The following ABTB3 variants were observed in gnomAD, a reference collection of about 807,000 sequenced individuals.
ABTB3 encodes ankyrin repeat- and BTB/POZ domain-containing protein 3.
At chr12:107,448,554 A>T in the ABTB3 span, among the ~76,000 whole-genome samples, 4 of 152,264 alleles carry the variant, frequency 2.6e-5, no homozygotes, top group Non-Finnish European at 5.9e-5. Flanking sequence ...AGCCCAAGGC[A>T]TGGTGTGCAA....
the ABTB3 span, among the ~76,000 whole-genome samples, chr12:107,578,366 C>T: frequency 1.3e-3 from 174 of 138,472 alleles, 2 homozygotes; most frequent in African/African-American, 4.2e-3. Context: ...GGCAGCAGAG[C>T]CTTTTTCTTT....
At chr12:107,529,897 G>A in the ABTB3 span, among the ~76,000 whole-genome samples, 2 of 152,040 alleles carry the variant, frequency 1.3e-5, no homozygotes, top group Non-Finnish European at 2.9e-5. Context: ...GTAGATGTGT[G>A]GATAATTTAC....
chr12:107,443,196 T>C, the ABTB3 span, among the ~76,000 whole-genome samples: 1 of 152,098 alleles, frequency 6.6e-6, no homozygotes, highest in Non-Finnish European at 1.5e-5. Context: ...ATTAAAAATC[T>C]ATAAGGGAGT....
the ABTB3 span, among the ~76,000 whole-genome samples, chr12:107,353,471 T>G: frequency 1.3e-5 from 2 of 152,134 alleles, no homozygotes; most frequent in East Asian, 3.9e-4. Context: ...TGAAAACATT[T>G]CCTAGCTGTG....
At chr12:107,393,103 C>A in the ABTB3 span, among the ~76,000 whole-genome samples, 2 of 152,132 alleles carry the variant, frequency 1.3e-5, no homozygotes, top group African/African-American at 4.8e-5. Context: ...GCTGAAGAAG[C>A]CAATGATTTA....
At chr12:107,496,726 C>T in the ABTB3 span, among the ~76,000 whole-genome samples, 4 of 152,180 alleles carry the variant, frequency 2.6e-5, no homozygotes, top group East Asian at 1.9e-4. Context: ...CTCACCCCAA[C>T]CCATGAGGTA....
the ABTB3 span, among the ~76,000 whole-genome samples, chr12:107,469,984 CTTTCTTTCTTTCTTTCTTTCTT>C: frequency 8.8e-4 from 80 of 90,596 alleles, 3 homozygotes; most frequent in African/African-American, 4.9e-3. Flanking sequence ...TTCTTTCTTT[CTTTCTTTCTTTCTTTCTTTCTT>C]TCTTTCTCTC....
chr12:107,641,962 A>G, the ABTB3 span: 2 of 824,426 alleles, frequency 2.4e-6, no homozygotes, highest in South Asian at 1.4e-5. Context: ...GTAAGGATAT[A>G]CCAGTGCTAT....
chr12:107,532,797 G>T, the ABTB3 span, among the ~76,000 whole-genome samples: 1 of 151,964 alleles, frequency 6.6e-6, no homozygotes, highest in African/African-American at 2.4e-5. Flanking sequence ...ACATATAAGG[G>T]AATTCCCATC....
chr12:107,405,553 C>T, the ABTB3 span, among the ~76,000 whole-genome samples: 2 of 152,234 alleles, frequency 1.3e-5, no homozygotes, highest in Non-Finnish European at 2.9e-5. Context: ...CACGGCTGTC[C>T]GGGGTTGTCC....
At chr12:107,627,256 G>A in the ABTB3 span, among the ~76,000 whole-genome samples, 1 of 152,038 alleles carries the variant, frequency 6.6e-6, no homozygotes, top group Non-Finnish European at 1.5e-5. Flanking sequence ...TCCTCATTCA[G>A]TTCTTCACCA....
At chr12:107,409,349 T>C in the ABTB3 span, among the ~76,000 whole-genome samples, 1 of 152,226 alleles carries the variant, frequency 6.6e-6, no homozygotes, top group African/African-American at 2.4e-5. Flanking sequence ...GAATGTAAAT[T>C]AGTTCAACCA....
the ABTB3 span, among the ~76,000 whole-genome samples, chr12:107,367,651 G>T: frequency 5.3e-5 from 8 of 152,018 alleles, no homozygotes; most frequent in South Asian, 4.2e-4. Flanking sequence ...GACTATAGGC[G>T]AACGGCACCA....
chr12:107,385,461 T>G, the ABTB3 span, among the ~76,000 whole-genome samples: 1 of 152,238 alleles, frequency 6.6e-6, no homozygotes, highest in East Asian at 1.9e-4. Context: ...TGGTCTCCCA[T>G]TACATGACAA....
the ABTB3 span, among the ~76,000 whole-genome samples, chr12:107,542,311 CA>C: frequency 1.1e-3 from 131 of 118,980 alleles, no homozygotes; most frequent in Non-Finnish European, 1.0e-3. Flanking sequence ...AACTCTGTCT[CA>C]AAAAAAAAAA....
chr12:107,558,047 T>C, the ABTB3 span, among the ~76,000 whole-genome samples: 3 of 152,114 alleles, frequency 2.0e-5, no homozygotes, highest in African/African-American at 7.3e-5. Flanking sequence ...AATCGGACTT[T>C]GAAAGATGAA....
the ABTB3 span, among the ~76,000 whole-genome samples, chr12:107,547,295 A>G: frequency 6.6e-6 from 1 of 152,194 alleles, no homozygotes; most frequent in African/African-American, 2.4e-5. Context: ...GATGAGCTCC[A>G]TCTTCCTCAC....
the ABTB3 span, among the ~76,000 whole-genome samples, chr12:107,613,312 C>T: frequency 2.2e-4 from 34 of 152,276 alleles, no homozygotes; most frequent in African/African-American, 7.2e-4. Flanking sequence ...CTTCCTCCCG[C>T]AGATCCTCCA....
the ABTB3 span, among the ~76,000 whole-genome samples, chr12:107,430,311 T>C: frequency 4.6e-5 from 7 of 152,394 alleles, no homozygotes; most frequent in African/African-American, 1.7e-4. Context: ...TTTTTGAACA[T>C]GACATTTGCC....
Sources: gnomAD v4.1 joint callset for allele counts (sites outside exome capture counted in the v4.1 genomes callset) on GRCh38, gnomAD v4.1.1 for gene constraint, MANE v1.5 for transcripts, NCBI Gene and HGNC (gene_info 2026-07-23, HGNC 2026-07-21) for gene names.